Variants in ZNF385D observed in about 807,000 individuals in gnomAD.
ZNF385D encodes the protein zinc finger protein 385D, also known as zinc finger protein 659.
Under a neutral mutation model 35.8 loss-of-function variants are expected in ZNF385D, and 15 were observed. That is an observed-to-expected ratio of 0.42 (90% CI 0.28 to 0.64). The LOEUF (loss-of-function observed/expected upper bound fraction) is 0.64. Ranked by LOEUF, ZNF385D falls within the 30% of genes least tolerant of loss-of-function variation. The pLI, the probability that ZNF385D is intolerant of heterozygous loss-of-function variation, is 0.23. For synonymous variants in ZNF385D, 212 were observed against 186.8 expected, an observed-to-expected ratio of 1.13 and a Z score of -1.10; for missense variants, 474 against 494.6, an observed-to-expected ratio of 0.96 and a Z score of 0.39.
chr3:22,095,088 C>CTTTTTTTTT (rs10663641), intron 3 of ZNF385D, among the ~76,000 whole-genome samples: 22 of 121,970 alleles, frequency 1.8e-4, no homozygotes, highest in African/African-American at 2.9e-4. Context: ...TTCATTCTTT[C>CTTTTTTTTT]TTTTTTTTTT....
At chr3:21,894,303 A>G (rs76243262) in intron 3 of ZNF385D, among the ~76,000 whole-genome samples, 6,595 of 152,258 alleles carry the variant, frequency 0.043, 622 homozygotes, top group Admixed American at 0.21. Flanking sequence ...TGTTATACTT[A>G]GTCAATTCAT....
chr3:22,071,697 T>C (rs1427749377), intron 3 of ZNF385D, among the ~76,000 whole-genome samples: 1 of 152,106 alleles, frequency 6.6e-6, no homozygotes, highest in African/African-American at 2.4e-5. Context: ...GGGTGGCAGA[T>C]GAATGTGAAG....
intron 3 of ZNF385D, among the ~76,000 whole-genome samples, chr3:21,792,691 C>A (rs2071980206): frequency 6.6e-6 from 1 of 152,114 alleles, no homozygotes; most frequent in Non-Finnish European, 1.5e-5. Flanking sequence ...AGGCCCTAGA[C>A]CCCCTTTTAG....
intron 3 of ZNF385D, chr3:21,956,994 G>C (rs1372075927): frequency 6.6e-6 from 1 of 152,174 alleles, no homozygotes; most frequent in African/African-American, 2.4e-5. Flanking sequence ...GGGACCTGGG[G>C]GGTGTGGGGG....
intron 2 of ZNF385D, among the ~76,000 whole-genome samples, chr3:21,622,745 G>GT (rs1213219126): frequency 6.6e-6 from 1 of 151,926 alleles, no homozygotes; most frequent in Non-Finnish European, 1.5e-5. Context: ...AAATAATGTG[G>GT]TTTGCTTAAT....
intron 3 of ZNF385D, among the ~76,000 whole-genome samples, chr3:22,034,310 G>C (rs1698186477): frequency 6.6e-6 from 1 of 152,154 alleles, no homozygotes; most frequent in Non-Finnish European, 1.5e-5. Flanking sequence ...AAAACAAGAA[G>C]CTGGCAGTTT....
chr3:21,793,350 A>G (rs1007744306), intron 3 of ZNF385D, among the ~76,000 whole-genome samples: 1 of 152,218 alleles, frequency 6.6e-6, no homozygotes, highest in Non-Finnish European at 1.5e-5. Flanking sequence ...TAAACCAGAA[A>G]AGTCAGCTCA....
chr3:22,313,014 G>A (rs528268118), intron 2 of ZNF385D, among the ~76,000 whole-genome samples: 18 of 150,280 alleles, frequency 1.2e-4, no homozygotes, highest in East Asian at 2.0e-4. Context: ...AATGTCCAAC[G>A]ATAGACTGGA....
At chr3:21,603,899 A>G (rs2064396634) in intron 2 of ZNF385D, among the ~76,000 whole-genome samples, 1 of 152,188 alleles carries the variant, frequency 6.6e-6, no homozygotes, top group Non-Finnish European at 1.5e-5. Context: ...TAGCCACGCA[A>G]TTAGTTCTGG....
Position 21,414,484 on chromosome 3 carries a change from C to T in ZNF385D, c.*6730G>A, listed in dbSNP as rs1199307192. 1.3e-5 allele frequency: 2 copies of T among 152,120 alleles called. No homozygotes were observed. Among genetic ancestry groups the T allele is most frequent in the African/African-American group, 4.8e-5 (2 of 41,436 alleles). 9.4% of individuals were successfully genotyped at this position (152,120 alleles called of 1,614,324 possible). ...ATATGTAGTAATATAAACGCTGTAACTATAAGTCACATTTTAAAACGACTT... is the reference window on the plus strand; with the variant it reads ...ATATGTAGTAATATAAACGCTGTAATTATAAGTCACATTTTAAAACGACTT... On this transcript the variant is annotated 3_prime_UTR_variant, in exon 8 of 8. Coordinates refer to ENST00000281523, the MANE Select transcript of ZNF385D (RefSeq NM_024697.3).
intron 2 of ZNF385D, among the ~76,000 whole-genome samples, chr3:22,192,161 C>T (rs972024345): frequency 2.0e-5 from 3 of 152,090 alleles, no homozygotes; most frequent in African/African-American, 7.2e-5. Flanking sequence ...GTAACTTAGT[C>T]CAAAGGAGGA....
At chr3:21,475,070 C>A in intron 4 of ZNF385D, among the ~76,000 whole-genome samples, 1 of 151,802 alleles carries the variant, frequency 6.6e-6, no homozygotes, top group African/African-American at 2.4e-5. Flanking sequence ...GGTTAGGAAT[C>A]TAAAGGAAAA....
chr3:21,568,934 C>T (rs2063237485), intron 2 of ZNF385D, among the ~76,000 whole-genome samples: 1 of 152,078 alleles, frequency 6.6e-6, no homozygotes, highest in South Asian at 2.1e-4. Flanking sequence ...GTAAAATCTG[C>T]ATGGTATTTT....
intron 2 of ZNF385D, among the ~76,000 whole-genome samples, chr3:22,238,909 C>T (rs1354899881): frequency 6.7e-6 from 1 of 149,798 alleles, no homozygotes; most frequent in Non-Finnish European, 1.5e-5. Flanking sequence ...TTTTCTTTTG[C>T]AGAGACAGGG....
intron 2 of ZNF385D, among the ~76,000 whole-genome samples, chr3:22,321,216 T>C (rs1392143759): frequency 2.7e-5 from 4 of 150,354 alleles, no homozygotes; most frequent in Admixed American, 6.6e-5. Context: ...ATCTCTTTTA[T>C]TACACTTTAC....
chr3:21,871,863 G>A (rs891399220), intron 3 of ZNF385D, among the ~76,000 whole-genome samples: 4 of 151,882 alleles, frequency 2.6e-5, no homozygotes, highest in South Asian at 2.1e-4. Context: ...AAAATTAGCC[G>A]ACAGGCGCCT....
chr3:21,443,722 C>T (rs1468203567), intron 4 of ZNF385D, among the ~76,000 whole-genome samples: 1 of 152,182 alleles, frequency 6.6e-6, no homozygotes, highest in Non-Finnish European at 1.5e-5. Context: ...CCATAGTAGC[C>T]TGCATGAAAC....
chr3:22,256,784 C>G (rs898167648), intron 2 of ZNF385D, among the ~76,000 whole-genome samples: 1 of 151,874 alleles, frequency 6.6e-6, no homozygotes, highest in South Asian at 2.1e-4. Context: ...GTGCTTGTTG[C>G]TATCACCATT....
chr3:22,297,666 T>G (rs190259080), intron 2 of ZNF385D, among the ~76,000 whole-genome samples: 1 of 152,152 alleles, frequency 6.6e-6, no homozygotes, highest in East Asian at 1.9e-4. Context: ...TCTTCCTACT[T>G]TCCTCTTTGA....
Sources: allele counts gnomAD v4.1 joint callset (sites outside exome capture counted in the v4.1 genomes callset), GRCh38; gene constraint gnomAD v4.1.1; transcripts MANE v1.5; gene names NCBI Gene and HGNC (gene_info 2026-07-23, HGNC 2026-07-21).